The following PDE4D variants were observed in gnomAD, a reference collection of about 807,000 sequenced individuals.
The protein encoded by PDE4D is 3',5'-cyclic-AMP phosphodiesterase 4D.
In PDE4D, 24 loss-of-function variants were observed where a neutral mutation model predicts 87.4. The observed-to-expected ratio is 0.27, with a 90% CI of 0.20 to 0.39. PDE4D has a LOEUF of 0.39. PDE4D is among the 10% of genes least tolerant of loss of function. The pLI is 1.00. For synonymous variants in PDE4D, 384 were observed against 383.2 expected, an observed-to-expected ratio of 1.00 and a Z score of -0.02; for missense variants, 714 against 1,041.0, an observed-to-expected ratio of 0.69 and a Z score of 4.32.
chr5:59,446,968 C>T (rs1485771419), intron 1 of PDE4D, among the ~76,000 whole-genome samples: 1 of 152,162 alleles, frequency 6.6e-6, no homozygotes, highest in Non-Finnish European at 1.5e-5. Context: ...CTTTCACATT[C>T]CTTTAGTGCA....
intron 1 of PDE4D, among the ~76,000 whole-genome samples, chr5:60,326,837 G>A (rs1296288080): frequency 2.0e-5 from 3 of 152,036 alleles, no homozygotes; most frequent in Non-Finnish European, 2.9e-5. Context: ...TTTTAAAGTC[G>A]TTCAAGTTTA....
At chr5:60,520,531 T>G (rs1157631885) in intron 1 of PDE4D, among the ~76,000 whole-genome samples, 1 of 152,212 alleles carries the variant, frequency 6.6e-6, no homozygotes, top group Non-Finnish European at 1.5e-5. Context: ...TCATTCACTC[T>G]CTTTATCTTG....
chr5:59,291,739 T>G (rs1768061633), intron 1 of PDE4D, among the ~76,000 whole-genome samples: 3 of 42,202 alleles, frequency 7.1e-5, no homozygotes, highest in South Asian at 1.8e-3. Flanking sequence ...TAAAAAGAAG[T>G]TTTTTTTTTT....
intron 2 of PDE4D, among the ~76,000 whole-genome samples, chr5:60,037,702 C>T (rs1218475785): frequency 2.0e-5 from 3 of 152,128 alleles, no homozygotes; most frequent in South Asian, 2.1e-4. Flanking sequence ...ACAGGTAGCA[C>T]ATCTGAAAGT....
intron 2 of PDE4D, among the ~76,000 whole-genome samples, chr5:60,125,583 C>T (rs7733728): frequency 6.6e-5 from 10 of 151,662 alleles, no homozygotes; most frequent in African/African-American, 2.2e-4. Flanking sequence ...AAGACCCAAG[C>T]GGGGAGACAA....
At position 60,319,384 on chromosome 5, in the gene PDE4D, G is replaced by A. The variant is rs569641874; in HGVS notation, c.-89-133697C>T. On this transcript the variant is annotated intron_variant, in intron 1 of 16. Transcript: ENST00000502484. ...CATTGGTTATTCTAGTTAGCCATTC[G>A]TCTTATCGTTTTTCAAGGTTTTTAA... Among the ~76,000 whole-genome samples the A allele has an allele frequency of 1.5e-4, 23 of 152,206 alleles. No individual in the cohort carries two copies. The South Asian group carries it at 2.3e-3, about 15-fold the overall frequency.
intron 2 of PDE4D, among the ~76,000 whole-genome samples, chr5:60,065,295 T>G (rs1172773058): frequency 1.3e-5 from 2 of 149,652 alleles, no homozygotes; most frequent in Non-Finnish European, 3.0e-5. Context: ...GTGTGTGTGT[T>G]TGTGCACGCA....
chr5:60,117,262 T>G (rs1482032256), intron 2 of PDE4D, among the ~76,000 whole-genome samples: 1 of 151,982 alleles, frequency 6.6e-6, no homozygotes, highest in Non-Finnish European at 1.5e-5. Context: ...TTCACTTTTA[T>G]CCCTTAAGAG....
At chr5:60,195,797 C>T (rs974833505) in intron 1 of PDE4D, among the ~76,000 whole-genome samples, 1 of 151,754 alleles carries the variant, frequency 6.6e-6, no homozygotes, top group African/African-American at 2.4e-5. Flanking sequence ...CACCTAATGG[C>T]TTCAAAGCCT....
chr5:60,369,885 C>G (rs1760875134), intron 1 of PDE4D, among the ~76,000 whole-genome samples: 1 of 152,172 alleles, frequency 6.6e-6, no homozygotes, highest in Admixed American at 6.5e-5. Context: ...GATATTCATT[C>G]ATGAGTTTTT....
intron 1 of PDE4D, among the ~76,000 whole-genome samples, chr5:59,890,281 ACACACACACACAC>A (rs1220565282): frequency 2.0e-5 from 3 of 147,480 alleles, no homozygotes; most frequent in Non-Finnish European, 4.4e-5. Context: ...ACACACACAC[ACACACACACACAC>A]ACCTTTTCTT....
intron 2 of PDE4D, among the ~76,000 whole-genome samples, chr5:60,181,402 A>T (rs1289874136): frequency 1.4e-5 from 2 of 140,970 alleles, no homozygotes; most frequent in African/African-American, 3.3e-5. Flanking sequence ...CAAAACTGAC[A>T]GCCTATTTAG....
chr5:59,942,146 T>C (rs1351899773), intron 3 of PDE4D, among the ~76,000 whole-genome samples: 1 of 152,262 alleles, frequency 6.6e-6, no homozygotes, highest in Non-Finnish European at 1.5e-5. Flanking sequence ...TTTTCATAAA[T>C]GTTCTTGAAT....
rs146710217 is a variant in PDE4D, at chr5:59,837,555, G to A, written c.455+55613C>T. Among the ~76,000 whole-genome samples, 1,012 of 152,116 alleles carry A rather than the reference G, an allele frequency of 6.7e-3. 9 individuals are homozygous for A. The highest frequency in any genetic ancestry group is 0.023 in the African/African-American group (973 of 41,526). On this transcript the variant is annotated intron_variant, in intron 1 of 14. Coordinates refer to ENST00000340635, the MANE Select transcript of PDE4D (RefSeq NM_001104631.2). ...GTGTTTATTATATGACTGATGCCCA[G>A]AAACATTTTCTAAAATGATGAATGA...
In PDE4D at chr5:60,312,360, A is replaced by T. The variant is rs560440819; in HGVS notation, c.-89-126673T>A. Among the ~76,000 whole-genome samples the T allele has an allele frequency of 3.9e-5, 6 of 152,364 alleles. No individual in the cohort carries two copies. In the South Asian group the frequency reaches 1.2e-3, roughly 32 times the overall value. ...CATACCAACCACACTTTCAGACCAC[A>T]GCTTAATGAAAATAGAAATCAGTAG... On this transcript the variant is annotated intron_variant, in intron 1 of 16. Coordinates refer to the PDE4D transcript ENST00000502484.
chr5:59,283,253 A>G (rs1222744892), intron 1 of PDE4D, among the ~76,000 whole-genome samples: 4 of 152,134 alleles, frequency 2.6e-5, no homozygotes, highest in Non-Finnish European at 5.9e-5. Flanking sequence ...ACTTAAAAAT[A>G]TATGTTACTG....
chr5:59,889,179 G>A (rs952931426), intron 1 of PDE4D, among the ~76,000 whole-genome samples: 1 of 137,764 alleles, frequency 7.3e-6, no homozygotes, highest in African/African-American at 2.8e-5. Context: ...AGTGAGCCAA[G>A]ATTGTGCCAC....
At position 59,042,794 on chromosome 5, in the gene PDE4D, C is replaced by T. The variant is rs112912447; in HGVS notation, c.809-3823G>A. On this transcript the variant is annotated intron_variant, in intron 5 of 14. Coordinates refer to ENST00000340635, the MANE Select transcript of PDE4D (RefSeq NM_001104631.2). Reference sequence around the variant, plus strand: ...GTGAACAAACAGTCCTCAATTCTTGCGGGCCAGCACTTGGCTTCTGTCACA... The same window carrying T: ...GTGAACAAACAGTCCTCAATTCTTGTGGGCCAGCACTTGGCTTCTGTCACA... Among the ~76,000 whole-genome samples, 64 of 152,284 alleles carry T rather than the reference C, an allele frequency of 4.2e-4. 1 individual carries two copies. Among genetic ancestry groups the T allele is most frequent in the African/African-American group, 1.4e-3 (58 of 41,554 alleles).
intron 1 of PDE4D, among the ~76,000 whole-genome samples, chr5:59,301,784 A>T (rs1770304069): frequency 6.6e-6 from 1 of 152,106 alleles, no homozygotes; most frequent in Non-Finnish European, 1.5e-5. Flanking sequence ...AGAGTGCCCC[A>T]AGGAATGTCA....
Sources: allele counts gnomAD v4.1 joint callset (sites outside exome capture counted in the v4.1 genomes callset), GRCh38; gene constraint gnomAD v4.1.1; transcripts MANE v1.5; gene names NCBI Gene and HGNC (gene_info 2026-07-23, HGNC 2026-07-21).